GARRE1: variants seen among roughly 807,000 people sequenced by gnomAD.
GARRE1 encodes granule associated Rac and RHOG effector 1, also known as granule associated Rac and RHOG effector protein 1.
Under a neutral mutation model 103.2 loss-of-function variants are expected in GARRE1, and 49 were observed. The ratio of observed to expected loss-of-function variants is 0.47; its 90% confidence interval spans 0.38 to 0.60. The LOEUF is 0.60. Ranked by LOEUF, GARRE1 falls within the 20% of genes least tolerant of loss-of-function variation. GARRE1 has a pLI of 0.00. For synonymous variants in GARRE1, 505 were observed against 532.8 expected, an observed-to-expected ratio of 0.95 and a Z score of 0.72; for missense variants, 1,199 against 1,370.5, an observed-to-expected ratio of 0.87 and a Z score of 1.98.
At chr19:34,320,997 G>A (rs549025273) in intron 3 of GARRE1, among the ~76,000 whole-genome samples, 1 of 137,500 alleles carries the variant, frequency 7.3e-6, no homozygotes, top group Non-Finnish European at 1.5e-5. Flanking sequence ...ACCCACCTCT[G>A]CCTCCCAAAG....
chr19:34,282,980 C>T (rs974847603), intron 1 of GARRE1, among the ~76,000 whole-genome samples: 2 of 152,218 alleles, frequency 1.3e-5, no homozygotes, highest in African/African-American at 4.8e-5. Flanking sequence ...CAGACCTTCT[C>T]ATTACTGTTT....
intron 11 of GARRE1, chr19:34,348,256 G>A (rs181274607): frequency 1.8e-5 from 7 of 393,696 alleles, no homozygotes; most frequent in African/African-American, 6.2e-5. Flanking sequence ...CCCTGTGAAC[G>A]TGCCATTGGT....
chr19:34,300,842 T>G lies in GARRE1; in HGVS notation c.369T>G (p.His123Gln), dbSNP rs747401571. The change falls in exon 2 of 14, where the codon CAT (histidine) becomes CAG (glutamine). Residue 123 changes from histidine to glutamine, a missense_variant. Coordinates refer to ENST00000299505, the MANE Select transcript of GARRE1 (RefSeq NM_014686.5). ...CACAGCTCAAAGATGTGCAGGAGCA[T>G]GTCATGGAAGCAGCCAGTCGGCTGA... ...AATQLKDVQEHVMEAASRLTS... is the reference protein window; with the variant it reads ...AATQLKDVQEQVMEAASRLTS... 2.0e-5 allele frequency: 33 copies of G among 1,614,120 alleles called. No individual in the cohort carries two copies. Among genetic ancestry groups the G allele is most frequent in the South Asian group, 1.6e-4 (15 of 91,090 alleles).
At chr19:34,309,907 A>G (rs2074028988) in intron 2 of GARRE1, among the ~76,000 whole-genome samples, 1 of 152,196 alleles carries the variant, frequency 6.6e-6, no homozygotes, top group South Asian at 2.1e-4. Flanking sequence ...TTCTTCAAAA[A>G]AAATGAAGAG....
chr19:34,281,544 C>T (rs181220763), intron 1 of GARRE1, among the ~76,000 whole-genome samples: 1 of 152,292 alleles, frequency 6.6e-6, no homozygotes, highest in African/African-American at 2.4e-5. Context: ...CTGCCTCTGC[C>T]TCCCAAAGTG....
At chr19:34,292,742 A>AT (rs35405834) in intron 1 of GARRE1, among the ~76,000 whole-genome samples, 202 of 144,406 alleles carry the variant, frequency 1.4e-3, no homozygotes, top group African/African-American at 4.4e-3. Flanking sequence ...ACCCAGCTAA[A>AT]TTTTTTTTTT....
intron 8 of GARRE1, 74 bp from the exon 9 acceptor site, chr19:34,339,793 T>C: frequency 1.9e-6 from 3 of 1,593,376 alleles, no homozygotes; most frequent in Non-Finnish European, 2.6e-6. Flanking sequence ...GTTGTAGCCT[T>C]TTCTATGAGA....
At chr19:34,312,511 C>T (rs2074041771) in intron 2 of GARRE1, among the ~76,000 whole-genome samples, 1 of 152,206 alleles carries the variant, frequency 6.6e-6, no homozygotes, top group African/African-American at 2.4e-5. Flanking sequence ...AATTTGACTA[C>T]TCTAGGAACC....
intron 1 of GARRE1, among the ~76,000 whole-genome samples, chr19:34,281,861 G>A (rs1171968407): frequency 6.6e-6 from 1 of 151,978 alleles, no homozygotes; most frequent in Non-Finnish European, 1.5e-5. Flanking sequence ...ATATATTTAC[G>A]TAGTTCTAAA....
chr19:34,352,259 A>G (rs1201287880), intron 13 of GARRE1, among the ~76,000 whole-genome samples: 1 of 151,986 alleles, frequency 6.6e-6, no homozygotes. Flanking sequence ...AAAATTAGCC[A>G]GGCATGGTGG....
At chr19:34,330,727 C>CTTTTTTTTTTTTT (rs1213759081) in intron 7 of GARRE1, among the ~76,000 whole-genome samples, 1 of 102,090 alleles carries the variant, frequency 9.8e-6, no homozygotes, top group African/African-American at 4.0e-5. Context: ...GACCCTGCCT[C>CTTTTTTTTTTTTT]TTTTTTTTTT....
At position 34,351,507 on chromosome 19, in the gene GARRE1, C is replaced by G. The variant is rs76319910; in HGVS notation, c.2826-7C>G. 165 of 1,612,616 alleles carry G rather than the reference C, an allele frequency of 1.0e-4. 1 individual carries two copies. In the African/African-American group the frequency reaches 1.9e-3, roughly 19 times the overall value. ...CAATCACTGCCCTGAGCTCTTGGTT[C>G]TTGCAGGAAACACAGCAGTGGAGAG... is the stretch of plus-strand genomic sequence containing the variant. On this transcript the variant is annotated splice_polypyrimidine_tract_variant and splice_region_variant and intron_variant, in intron 12 of 13. Coordinates refer to ENST00000299505, the MANE Select transcript of GARRE1 (RefSeq NM_014686.5).
intron 2 of GARRE1, among the ~76,000 whole-genome samples, chr19:34,314,834 A>G (rs1568304185): frequency 6.6e-6 from 1 of 152,212 alleles, no homozygotes; most frequent in Non-Finnish European, 1.5e-5. Context: ...AGTACTTTCT[A>G]TAGCCCAGGC....
chr19:34,312,143 A>T (rs1383054691), intron 2 of GARRE1, among the ~76,000 whole-genome samples: 2 of 151,824 alleles, frequency 1.3e-5, no homozygotes, highest in Admixed American at 6.6e-5. Context: ...TTGTTTTGTT[A>T]TATGTAGATA....
At chr19:34,282,518 G>T (rs928893047) in intron 1 of GARRE1, among the ~76,000 whole-genome samples, 1 of 152,160 alleles carries the variant, frequency 6.6e-6, no homozygotes, top group Non-Finnish European at 1.5e-5. Flanking sequence ...CTTTTCAGGT[G>T]TTTTTTCTGG....
chr19:34,345,640 C>T (rs980476412), intron 10 of GARRE1, among the ~76,000 whole-genome samples: 3 of 152,042 alleles, frequency 2.0e-5, no homozygotes, highest in East Asian at 1.9e-4. Flanking sequence ...GCCAACATGG[C>T]GAAACCCCGT....
chr19:34,267,128 T>C (rs961597775), intron 1 of GARRE1, among the ~76,000 whole-genome samples: 16 of 152,226 alleles, frequency 1.1e-4, no homozygotes, highest in African/African-American at 3.9e-4. Flanking sequence ...TACCCAGGCA[T>C]GGTGGTGTGT....
At chr19:34,347,567 A>G (rs972161867) in intron 10 of GARRE1, among the ~76,000 whole-genome samples, 3 of 152,158 alleles carry the variant, frequency 2.0e-5, no homozygotes, top group African/African-American at 7.2e-5. Flanking sequence ...TTGTCTTTAA[A>G]ATCTAGTCGT....
chr19:34,339,190 C>T (rs1186894082), intron 8 of GARRE1, among the ~76,000 whole-genome samples: 3 of 152,176 alleles, frequency 2.0e-5, no homozygotes, highest in Non-Finnish European at 2.9e-5. Context: ...CTCAGCCCCA[C>T]AAGGCTACTC....
Sources: gnomAD v4.1 joint callset for allele counts (sites outside exome capture counted in the v4.1 genomes callset) on GRCh38, gnomAD v4.1.1 for gene constraint, MANE v1.5 for transcripts, NCBI Gene and HGNC (gene_info 2026-07-23, HGNC 2026-07-21) for gene names.